The following FARS2 variants were observed in gnomAD, a reference collection of about 807,000 sequenced individuals.
FARS2 encodes phenylalanine--tRNA ligase, mitochondrial.
FARS2 carries 40 observed loss-of-function variants against 46.4 expected under a neutral mutation model. That is an observed-to-expected ratio of 0.86 (90% CI 0.67 to 1.12). The LOEUF (loss-of-function observed/expected upper bound fraction) is 1.12, where lower values mean the gene tolerates loss of function less well. FARS2 is among the 50% of genes most tolerant of loss of function. The probability of loss-of-function intolerance (pLI) is 0.00; values close to 1 mark genes in which losing one functional copy is unlikely to be tolerated. For synonymous variants in FARS2, 234 were observed against 214.9 expected (o/e 1.09, Z -0.78); for missense variants, 513 against 567.9 (o/e 0.90, Z 0.98).
At chr6:5,533,138 C>A (rs543561200) in intron 4 of FARS2, among the ~76,000 whole-genome samples, 1 of 152,076 alleles carries the variant, frequency 6.6e-6, no homozygotes, top group African/African-American at 2.4e-5. Context: ...AGGGGACTTG[C>A]GACGCTGTGC....
the FARS2 span, among the ~76,000 whole-genome samples, chr6:5,250,362 T>A: frequency 6.6e-6 from 1 of 152,152 alleles, no homozygotes; most frequent in East Asian, 1.9e-4. Flanking sequence ...TGCTTTAATA[T>A]CTAGAGTAAA....
In FARS2 at chr6:5,284,471, A is replaced by C. The variant is rs374247806; in HGVS notation, c.-22+22811A>C. ...CTTGAATTATGGGGTGTGTGCCTGC[A>C]ATCCACCACCTGCTCTGGCTGTCGT... On this transcript the variant is annotated intron_variant, in intron 1 of 6. Coordinates refer to ENST00000274680, the MANE Select transcript of FARS2 (RefSeq NM_006567.5). Among the ~76,000 whole-genome samples, 9 of 152,292 alleles carry C rather than the reference A, an allele frequency of 5.9e-5. No homozygotes were observed. In the South Asian group the frequency reaches 1.5e-3, roughly 25 times the overall value.
At chr6:5,480,089 C>T (rs1055559928) in intron 4 of FARS2, among the ~76,000 whole-genome samples, 4 of 152,202 alleles carry the variant, frequency 2.6e-5, no homozygotes, top group African/African-American at 4.8e-5. Context: ...GTCTGGTTCA[C>T]GATTTTTATC....
intron 6 of FARS2, among the ~76,000 whole-genome samples, chr6:5,717,727 CA>C (rs947854674): frequency 2.4e-4 from 36 of 152,116 alleles, no homozygotes; most frequent in African/African-American, 8.2e-4. Context: ...AAAATTCCCA[CA>C]TCAGCTTTTT....
At chr6:5,481,754 A>G (rs934463618) in intron 4 of FARS2, among the ~76,000 whole-genome samples, 13 of 152,010 alleles carry the variant, frequency 8.6e-5, no homozygotes, top group African/African-American at 3.1e-4. Flanking sequence ...TTGGGGTGTC[A>G]GCATGCATTC....
chr6:5,282,511 CT>C lies in FARS2; in HGVS notation c.-22+20852del, dbSNP rs1766808420. On this transcript the variant is annotated intron_variant, in intron 1 of 6. Coordinates refer to ENST00000274680, the MANE Select transcript of FARS2 (RefSeq NM_006567.5). ...GGAGACAATCATGACATGGGCATTCCTGATAAAGGAGGCCACCGGAGTTGAG... is the reference window on the plus strand; with the variant it reads ...GGAGACAATCATGACATGGGCATTCCGATAAAGGAGGCCACCGGAGTTGAG... 3.3e-5 allele frequency among the ~76,000 whole-genome samples: 5 copies of C among 152,102 alleles called. No homozygotes were observed. In the South Asian group the frequency reaches 1.0e-3, roughly 32 times the overall value.
intron 1 of FARS2, among the ~76,000 whole-genome samples, chr6:5,367,286 A>G (rs1758745612): frequency 6.6e-6 from 1 of 152,226 alleles, no homozygotes; most frequent in Non-Finnish European, 1.5e-5. Flanking sequence ...CCCTTGAAGT[A>G]AAACAGCCAC....
intron 4 of FARS2, among the ~76,000 whole-genome samples, chr6:5,538,574 A>G (rs919002360): frequency 1.3e-5 from 2 of 152,158 alleles, no homozygotes; most frequent in African/African-American, 4.8e-5. Context: ...AAGAAAAGGA[A>G]GCCTTTTCTG....
In FARS2 at chr6:5,523,867, C is replaced by T. The variant is rs1382917007; in HGVS notation, c.905-21313C>T. Among the ~76,000 whole-genome samples, 4 of 152,190 alleles carry T rather than the reference C, an allele frequency of 2.6e-5. No homozygotes were observed. The East Asian group carries it at 5.8e-4, about 22-fold the overall frequency. On this transcript the variant is annotated intron_variant, in intron 4 of 6. Transcript: ENST00000274680. ...AAGGAGACACATGCAAAGTTCTCCA[C>T]GTGGCTTCCCAAATCCCCCTACTTC...
chr6:5,260,108 T>C (rs1320875176), upstream of FARS2, among the ~76,000 whole-genome samples: 1 of 152,198 alleles, frequency 6.6e-6, no homozygotes, highest in East Asian at 1.9e-4. Flanking sequence ...GAGACCCTTT[T>C]TCCTTTTCCG....
chr6:5,551,616 C>T, intron 5 of FARS2, among the ~76,000 whole-genome samples: 1 of 152,172 alleles, frequency 6.6e-6, no homozygotes, highest in East Asian at 1.9e-4. Flanking sequence ...TTACCACAAA[C>T]TTAGAAGCTT....
At chr6:5,759,568 G>T (rs1382941214) in intron 6 of FARS2, among the ~76,000 whole-genome samples, 3 of 152,166 alleles carry the variant, frequency 2.0e-5, no homozygotes, top group Non-Finnish European at 4.4e-5. Flanking sequence ...TGGGGACAGT[G>T]ATGTTAAACA....
chr6:5,645,566 T>C (rs1296103819), intron 6 of FARS2, among the ~76,000 whole-genome samples: 6 of 152,182 alleles, frequency 3.9e-5, no homozygotes, highest in Non-Finnish European at 7.3e-5. Context: ...CACGTAGCCA[T>C]TTTCCCGCTT....
At chr6:5,397,993 A>G (rs983807085) in intron 2 of FARS2, among the ~76,000 whole-genome samples, 2 of 152,158 alleles carry the variant, frequency 1.3e-5, no homozygotes, top group Non-Finnish European at 1.5e-5. Context: ...CAAAAATGCC[A>G]TGGAGATTTT....
intron 6 of FARS2, among the ~76,000 whole-genome samples, chr6:5,636,433 G>A (rs1216374474): frequency 6.6e-6 from 1 of 152,204 alleles, no homozygotes; most frequent in Non-Finnish European, 1.5e-5. Flanking sequence ...GTGCAGTGAG[G>A]CATCCTTTTA....
chr6:5,547,041 T>G (rs562724415), intron 5 of FARS2, among the ~76,000 whole-genome samples: 2 of 152,130 alleles, frequency 1.3e-5, no homozygotes, highest in South Asian at 4.2e-4. Context: ...AACCTCTGCC[T>G]CCTGGATTCA....
chr6:5,322,369 A>G (rs1040018094), intron 1 of FARS2, among the ~76,000 whole-genome samples: 1 of 152,228 alleles, frequency 6.6e-6, no homozygotes, highest in African/African-American at 2.4e-5. Context: ...ATGTTTGCCA[A>G]CGTATAGAAA....
chr6:5,405,781 G>A (rs905057399), intron 3 of FARS2, among the ~76,000 whole-genome samples: 4 of 152,048 alleles, frequency 2.6e-5, no homozygotes, highest in Non-Finnish European at 5.9e-5. Flanking sequence ...CGTGATCCAC[G>A]GCGCCCGGCC....
At chr6:5,565,501 T>A (rs528021414) in intron 5 of FARS2, among the ~76,000 whole-genome samples, 86 of 152,368 alleles carry the variant, frequency 5.6e-4, no homozygotes, top group African/African-American at 2.0e-3. Flanking sequence ...TGTTTGTGAA[T>A]GACAAATTTC....
Sources: allele counts gnomAD v4.1 joint callset (sites outside exome capture counted in the v4.1 genomes callset), GRCh38; gene constraint gnomAD v4.1.1; transcripts MANE v1.5; gene names NCBI Gene and HGNC (gene_info 2026-07-23, HGNC 2026-07-21).